The following ODF2 variants were observed in gnomAD, a reference collection of about 807,000 sequenced individuals.
ODF2 encodes the protein outer dense fiber of sperm tails 2.
A neutral mutation model predicts 110.2 loss-of-function variants in ODF2; 47 were observed. The observed-to-expected ratio is 0.43, with a 90% CI of 0.34 to 0.54. The LOEUF is 0.54. Ranked by LOEUF, ODF2 falls within the 20% of genes least tolerant of loss-of-function variation. The pLI is 0.03. For missense variants in ODF2, 812 were observed against 1,054.5 expected (o/e 0.77, Z 3.19); for synonymous variants, 352 against 397.7 (o/e 0.89, Z 1.37).
chr9:128,473,816 AAAG>A (rs1840622353), intron 8 of ODF2, 75 bp downstream of exon 8: 1 of 1,431,702 alleles, frequency 7.0e-7, no homozygotes. Context: ...TTGTCTGTAA[AAAG>A]AAAATAAGAT....
intron 3 of ODF2, 120 bp downstream of exon 3, chr9:128,460,786 G>T: frequency 1.3e-6 from 2 of 1,521,228 alleles, no homozygotes; most frequent in African/African-American, 1.4e-5. Flanking sequence ...TCGGAGGCCG[G>T]TTTCCTGGTT....
intron 4 of ODF2, among the ~76,000 whole-genome samples, chr9:128,465,389 C>T (rs577940520): frequency 7.9e-5 from 12 of 152,288 alleles, no homozygotes; most frequent in African/African-American, 2.6e-4. Flanking sequence ...CTTACAACTC[C>T]TGGAATATAA....
intron 4 of ODF2, among the ~76,000 whole-genome samples, chr9:128,463,723 T>C (rs927486115): frequency 6.6e-6 from 1 of 152,270 alleles, no homozygotes; most frequent in African/African-American, 2.4e-5. Context: ...TATGTTTGTA[T>C]GTGCAGAACG....
chr9:128,457,432 C>T, exon 2 of ODF2: 1 of 1,611,370 alleles, frequency 6.2e-7, no homozygotes, highest in South Asian at 1.1e-5. Context: ...CAGGCGGCTC[C>T]CCCAGGTATT....
At chr9:128,487,891 C>T (rs1172597781) in exon 14 of ODF2, 1 of 1,613,780 alleles carries the variant, frequency 6.2e-7, no homozygotes. Flanking sequence ...ATCTTCCAGC[C>T]GGGTAACAGA....
intron 10 of ODF2, among the ~76,000 whole-genome samples, chr9:128,483,191 C>T (rs1443532777): frequency 6.6e-6 from 1 of 152,038 alleles, no homozygotes; most frequent in Non-Finnish European, 1.5e-5. Flanking sequence ...CTGCGCCCAG[C>T]CGCAGTTGTG....
chr9:128,456,161 C>G (rs1393865767), exon 1 of ODF2: 1 of 1,549,364 alleles, frequency 6.5e-7, no homozygotes, highest in Admixed American at 2.0e-5. Context: ...CAGAGCCAGA[C>G]TGCATCCGCC....
Position 128,489,977 on chromosome 9 carries a change from G to A in ODF2, c.1536+1952G>A, listed in dbSNP as rs563872218. Among the ~76,000 whole-genome samples the A allele has an allele frequency of 1.8e-4, 27 of 152,296 alleles. 1 individual carries two copies. The South Asian group carries it at 5.0e-3, about 28-fold the overall frequency. ...TGTCTTATTTTATGTTAGCTACTCC[G>A]GTGGGAGTGTAGTAGTATCTCATTT... On this transcript the variant is annotated intron_variant, in intron 14 of 20. Transcript: ENST00000604420.
At chr9:128,463,563 C>T (rs1425171446) in intron 4 of ODF2, among the ~76,000 whole-genome samples, 1 of 152,112 alleles carries the variant, frequency 6.6e-6, no homozygotes, top group Non-Finnish European at 1.5e-5. Flanking sequence ...GCACTGCAGC[C>T]TGGATTACAG....
chr9:128,478,361 G>C (rs1841758211), intron 8 of ODF2, among the ~76,000 whole-genome samples: 1 of 152,100 alleles, frequency 6.6e-6, no homozygotes, highest in Non-Finnish European at 1.5e-5. Flanking sequence ...ACTTTGGGAG[G>C]CCGAGGTGGG....
Position 128,494,446 on chromosome 9 carries a change from T to G in ODF2, c.1753-64T>G. Reference sequence around the variant, plus strand: ...TCTAAAGGACTCTGCCTGGCTCCACTAGGAGCCAGGTCTTTCCTAACTGTG... The same window carrying G: ...TCTAAAGGACTCTGCCTGGCTCCACGAGGAGCCAGGTCTTTCCTAACTGTG... On this transcript the variant is annotated intron_variant, in intron 16 of 20. Coordinates refer to ENST00000604420, the Ensembl canonical transcript of ODF2. This position sits in a 1 kb window ranked among gnomAD's most constrained non-coding sequence, Gnocchi z 4.6. The G allele has an allele frequency of 1.4e-6, 2 of 1,474,290 alleles. No individual in the cohort carries two copies. The highest frequency in any genetic ancestry group is 3.5e-5 in the Admixed American group (2 of 57,938). 91.3% of individuals were successfully genotyped at this position (1,474,290 alleles called of 1,614,324 possible).
chr9:128,475,201 A>C (rs1439322140), intron 8 of ODF2, among the ~76,000 whole-genome samples: 5 of 152,186 alleles, frequency 3.3e-5, no homozygotes, highest in African/African-American at 1.2e-4. Context: ...AGATGATTTA[A>C]AGTATATGGG....
intron 9 of ODF2, 106 bp from the exon 10 acceptor site, chr9:128,482,710 T>C (rs554289704): frequency 1.3e-6 from 1 of 755,630 alleles, no homozygotes; most frequent in Admixed American, 2.6e-5. Flanking sequence ...CCAATGTATG[T>C]AGGACCTTGG....
At chr9:128,457,693 A>G (rs968261992) in intron 2 of ODF2, among the ~76,000 whole-genome samples, 21 of 152,174 alleles carry the variant, frequency 1.4e-4, no homozygotes, top group Non-Finnish European at 2.4e-4. Flanking sequence ...TTGTCTTTAT[A>G]TAATAGAGTA....
intron 1 of ODF2, chr9:128,457,150 T>G: frequency 7.7e-7 from 1 of 1,302,328 alleles, no homozygotes; most frequent in East Asian, 4.3e-5. Context: ...CTTCCTCCCC[T>G]CTGCCCCCAG....
At chr9:128,472,752 G>A (rs751777579) in intron 6 of ODF2, among the ~76,000 whole-genome samples, 161 bp from the exon 7 acceptor site, 1 of 152,202 alleles carries the variant, frequency 6.6e-6, no homozygotes, top group Non-Finnish European at 1.5e-5. Flanking sequence ...TCTGGCCCTG[G>A]TCCTTTCTGA....
At chr9:128,460,817 A>T (rs1466566843) in intron 3 of ODF2, 125 bp from the exon 4 acceptor site, 2 of 1,512,948 alleles carry the variant, frequency 1.3e-6, no homozygotes, top group Non-Finnish European at 1.8e-6. Flanking sequence ...CAGGCCTGTC[A>T]TCCAGGAGCA....
rs889770018 is a variant in ODF2 at position 128,471,179 on chromosome 9, G to T, written c.421-129G>T. 11 of 899,354 alleles carry T rather than the reference G, an allele frequency of 1.2e-5. No individual in the cohort carries two copies. In the African/African-American group the frequency reaches 1.9e-4, roughly 16 times the overall value. 55.7% of individuals were successfully genotyped at this position (899,354 alleles called of 1,614,324 possible). ...CCTACCCACCTTGGCCTCCCAAAGTGCTGGGATTACAGGCGTGAGCCACCA... is the reference window on the plus strand; with the variant it reads ...CCTACCCACCTTGGCCTCCCAAAGTTCTGGGATTACAGGCGTGAGCCACCA... On this transcript the variant is annotated intron_variant, in intron 5 of 20. Transcript: ENST00000604420.
At chr9:128,476,599 TTTGTTTCGTTTTGTTTTAACA>T (rs1346341871) in intron 8 of ODF2, among the ~76,000 whole-genome samples, 1 of 151,616 alleles carries the variant, frequency 6.6e-6, no homozygotes, top group Non-Finnish European at 1.5e-5. Context: ...TGTTTTTTTG[TTTGTTTCGTTTTGTTTTAACA>T]TTGTCAACCT....
Sources: allele counts gnomAD v4.1 joint callset (sites outside exome capture counted in the v4.1 genomes callset), GRCh38; gene constraint gnomAD v4.1.1; non-coding constraint Gnocchi (gnomAD v3.1); transcripts MANE v1.5; gene names NCBI Gene and HGNC (gene_info 2026-07-23, HGNC 2026-07-21).